The following XPO4 variants were observed in gnomAD, a reference collection of about 807,000 sequenced individuals.
XPO4 encodes the protein exportin-4.
Under a neutral mutation model 143.0 loss-of-function variants are expected in XPO4, and 39 were observed. That is an observed-to-expected ratio of 0.27 (90% CI 0.21 to 0.36). The LOEUF (loss-of-function observed/expected upper bound fraction) is 0.36. Among genes scored for constraint, XPO4 ranks in the 10% least tolerant of loss-of-function variants. The pLI, the probability that XPO4 is intolerant of heterozygous loss-of-function variation, is 1.00. For synonymous variants in XPO4, 439 were observed against 474.0 expected (o/e 0.93, Z 0.96); for missense variants, 907 against 1,348.0 (o/e 0.67, Z 5.12).
intron 4 of XPO4, chr13:20,852,389 T>C: frequency 1.0e-6 from 1 of 985,428 alleles, no homozygotes; most frequent in Non-Finnish European, 1.2e-6. Flanking sequence ...TTCTCTGCTA[T>C]TTTTATCTAA....
At chr13:20,785,243 GA>G (rs1323459065) in intron 22 of XPO4, among the ~76,000 whole-genome samples, 1 of 152,128 alleles carries the variant, frequency 6.6e-6, no homozygotes, top group African/African-American at 2.4e-5. Flanking sequence ...ATTACATTTG[GA>G]AAAGAAGGAT....
rs908442642 is a variant in XPO4 at position 20,780,452 on chromosome 13, G to A, written c.*3270C>T. ...AACATGGTGATATTACAACTATAAA[G>A]ACTTGACATTTTTGTTAAAAGAGAA... On this transcript the variant is annotated 3_prime_UTR_variant, in exon 23 of 23. Transcript: ENST00000255305. 10 of 152,094 alleles carry A rather than the reference G, an allele frequency of 6.6e-5. No homozygotes were observed. The highest frequency in any genetic ancestry group is 2.4e-4 in the African/African-American group (10 of 41,416). The allele number at this position is 152,094 out of a possible 1,614,324, so 9.4% of individuals were successfully genotyped here.
At chr13:20,839,477 TA>T (rs2059952292) in intron 6 of XPO4, among the ~76,000 whole-genome samples, 1 of 152,110 alleles carries the variant, frequency 6.6e-6, no homozygotes, top group Non-Finnish European at 1.5e-5. Flanking sequence ...ATGAATATAT[TA>T]AAAAACACTG....
At chr13:20,816,303 A>C (rs1404304717) in intron 9 of XPO4, among the ~76,000 whole-genome samples, 1 of 152,226 alleles carries the variant, frequency 6.6e-6, no homozygotes, top group Non-Finnish European at 1.5e-5. Flanking sequence ...CTAGCGAAGT[A>C]TCATTTAAGG....
At chr13:20,849,722 A>G in intron 4 of XPO4, 35 of 984,780 alleles carry the variant, frequency 3.6e-5, no homozygotes, top group Non-Finnish European at 4.0e-5. Flanking sequence ...ATCTTTCCAT[A>G]AAACTATCTG....
chr13:20,804,294 TTCC>T (rs535081094), intron 13 of XPO4, among the ~76,000 whole-genome samples: 20 of 149,086 alleles, frequency 1.3e-4, no homozygotes, highest in Admixed American at 3.4e-4. Context: ...GGTGGACGTG[TTCC>T]TCCTATTTTC....
intron 9 of XPO4, among the ~76,000 whole-genome samples, chr13:20,817,481 A>T (rs1486338028): frequency 2.6e-5 from 4 of 152,178 alleles, no homozygotes; most frequent in African/African-American, 9.7e-5. Flanking sequence ...AAATATACTA[A>T]AACTAGATGT....
At chr13:20,787,375 GC>G in intron 21 of XPO4, 105 bp downstream of exon 21, 1 of 1,076,194 alleles carries the variant, frequency 9.3e-7, no homozygotes, top group Non-Finnish European at 1.4e-6. Context: ...TGGTTTCCTT[GC>G]CCCCGAAAGA....
intron 1 of XPO4, among the ~76,000 whole-genome samples, chr13:20,870,729 CA>C (rs35888695): frequency 2.4e-4 from 33 of 137,630 alleles, no homozygotes; most frequent in South Asian, 4.7e-4. Flanking sequence ...GACTCTGCCT[CA>C]AAAAAAAAAA....
chr13:20,901,241 A>C, intron 1 of XPO4, among the ~76,000 whole-genome samples: 1 of 152,210 alleles, frequency 6.6e-6, no homozygotes, highest in East Asian at 1.9e-4. Flanking sequence ...TACTCCTTAT[A>C]GGGGATAAAA....
At chr13:20,833,652 T>C (rs1032143199) in intron 6 of XPO4, among the ~76,000 whole-genome samples, 1 of 151,918 alleles carries the variant, frequency 6.6e-6, no homozygotes, top group Non-Finnish European at 1.5e-5. Flanking sequence ...ACTTAAATAA[T>C]CTAAGGAATG....
Position 20,890,897 on chromosome 13 carries a change from C to T in XPO4, c.69+11773G>A, listed in dbSNP as rs962896199. 6.0e-5 allele frequency among the ~76,000 whole-genome samples: 9 copies of T among 150,980 alleles called. No homozygotes were observed. The Middle Eastern group carries it at 0.014, about 233-fold the overall frequency. ...CCAAGGTGGGCCAGTCACCTGAGGT[C>T]AGGAGTTTGAGACCAGCCTGACCGG... On this transcript the variant is annotated intron_variant, in intron 1 of 22. Transcript: ENST00000255305.
Position 20,778,844 on chromosome 13 carries a change from A to G in XPO4, c.*4878T>C, listed in dbSNP as rs2059109463. The G allele has an allele frequency of 6.6e-6, 1 of 152,234 alleles. No homozygotes were observed. The highest frequency in any genetic ancestry group is 1.5e-5 in the Non-Finnish European group (1 of 68,034). The allele number at this position is 152,234 out of a possible 1,614,324, so 9.4% of individuals were successfully genotyped here. On this transcript the variant is annotated 3_prime_UTR_variant, in exon 23 of 23. Coordinates refer to ENST00000255305, the MANE Select transcript of XPO4 (RefSeq NM_022459.5). ...CATAAAAGAGTCTAGCTAAATACCC[A>G]TGAACAAATCACACATGGTCAAAAC... is the stretch of plus-strand genomic sequence containing the variant.
intron 1 of XPO4, among the ~76,000 whole-genome samples, chr13:20,878,850 A>G (rs1001963854): frequency 1.1e-4 from 16 of 152,308 alleles, no homozygotes; most frequent in Admixed American, 2.0e-4. Flanking sequence ...TATGAATGTA[A>G]TTTATATTAC....
intron 4 of XPO4, among the ~76,000 whole-genome samples, chr13:20,844,584 G>C (rs1438769360): frequency 6.6e-6 from 1 of 152,132 alleles, no homozygotes; most frequent in African/African-American, 2.4e-5. Context: ...CACTACCTCT[G>C]AACAACCGAA....
At position 20,787,553 on chromosome 13, in the gene XPO4, C is replaced by T. The variant is rs1216207564; in HGVS notation, c.3093G>A (p.Pro1031=). ...VCQLCLEALT[P]LAEQCAKAQE... ...GTGCTTTTGCACACTGTTCAGCTAA[C>T]GGTGTCAAGGCCTCCAGGCAAAGCT... Residue 1031 remains proline (P), a synonymous_variant, in exon 21 of 23, where the codon CCG becomes CCA. Coordinates refer to ENST00000255305, the MANE Select transcript of XPO4 (RefSeq NM_022459.5). 2.1e-5 allele frequency: 34 copies of T among 1,614,228 alleles called. No individual in the cohort carries two copies. Among genetic ancestry groups the T allele is most frequent in the Middle Eastern group, 1.6e-4 (1 of 6,062 alleles).
Position 20,810,099 on chromosome 13 carries a change from T to C in XPO4, c.1174-132A>G, listed in dbSNP as rs1462106658. 4.3e-6 allele frequency: 3 copies of C among 691,912 alleles called. No individual in the cohort carries two copies. In the African/African-American group the frequency reaches 6.0e-5, roughly 14 times the overall value. The allele number at this position is 691,912 out of a possible 1,614,324, so 42.9% of individuals were successfully genotyped here. A position where few individuals can be genotyped will look rare whatever the true frequency, so the allele number is the denominator to read the frequency against. On this transcript the variant is annotated intron_variant, in intron 9 of 22. Transcript: ENST00000255305. ...CTTCCCAATTATTGATAAGTTTTTA[T>C]TGAACTTTCTAAAATCTTTCTAAGT...
At position 20,787,472 on chromosome 13, in the gene XPO4, A is replaced by G; in HGVS notation, c.3165+9T>C. 3.7e-6 allele frequency: 6 copies of G among 1,612,814 alleles called. No individual in the cohort carries two copies. Among genetic ancestry groups the G allele is most frequent in the Non-Finnish European group, 5.1e-6 (6 of 1,178,764 alleles). On this transcript the variant is annotated intron_variant, in intron 21 of 22. Coordinates refer to ENST00000255305, the MANE Select transcript of XPO4 (RefSeq NM_022459.5). ...GCTGATTTTCTGACCTACCGCACAG[A>G]CATCTTACCTTAAGAAAGTGCCGTG...
At chr13:20,890,134 A>G (rs2060498090) in intron 1 of XPO4, among the ~76,000 whole-genome samples, 3 of 152,322 alleles carry the variant, frequency 2.0e-5, no homozygotes, top group Middle Eastern at 3.4e-3. Flanking sequence ...ATGAGCTAGA[A>G]CCTATAAGAA....
Sources: gnomAD v4.1 joint callset for allele counts (sites outside exome capture counted in the v4.1 genomes callset) on GRCh38, gnomAD v4.1.1 for gene constraint, MANE v1.5 for transcripts, NCBI Gene and HGNC (gene_info 2026-07-23, HGNC 2026-07-21) for gene names.